CNTN3: variants seen among roughly 807,000 people sequenced by gnomAD.
CNTN3 encodes contactin 3.
In CNTN3, 60 loss-of-function variants were observed where a neutral mutation model predicts 119.1. The observed-to-expected ratio is 0.50, with a 90% CI of 0.41 to 0.62. The LOEUF (loss-of-function observed/expected upper bound fraction) is 0.62. CNTN3 is among the 20% of genes least tolerant of loss of function. CNTN3 has a pLI of 0.00. For missense variants in CNTN3, 1,101 were observed against 1,242.4 expected (o/e 0.89, Z 1.71); for synonymous variants, 450 against 438.7 (o/e 1.03, Z -0.32).
intron 4 of CNTN3, among the ~76,000 whole-genome samples, chr3:74,470,636 T>A (rs1702542645): frequency 6.6e-6 from 1 of 152,266 alleles, no homozygotes; most frequent in South Asian, 2.1e-4. Context: ...GCTGCCTGAT[T>A]AACCACTCTA....
At position 74,296,316 on chromosome 3, in the gene CNTN3, T is replaced by C. The variant is rs9866432; in HGVS notation, c.2402-1080A>G. On this transcript the variant is annotated intron_variant, in intron 18 of 22. Transcript: ENST00000263665. ...GGCTGTGGCTGCCCCTCTTTTCCAGTTGCCAGCACCTAGGTCCTGGATGCA... is the reference window on the plus strand; with the variant it reads ...GGCTGTGGCTGCCCCTCTTTTCCAGCTGCCAGCACCTAGGTCCTGGATGCA... Among the ~76,000 whole-genome samples the C allele has an allele frequency of 4.7e-3, 718 of 152,244 alleles. 6 individuals carry two copies. Among genetic ancestry groups the C allele is most frequent in the African/African-American group, 0.016 (684 of 41,556 alleles).
intron 1 of CNTN3, among the ~76,000 whole-genome samples, chr3:74,611,067 A>G (rs1434116848): frequency 6.6e-6 from 1 of 152,164 alleles, no homozygotes; most frequent in African/African-American, 2.4e-5. Context: ...GAACATAGGA[A>G]ATTTACAAGC....
rs1705144301 is a variant in CNTN3, at chr3:74,614,645, C to A, written c.-335G>T. Among the ~76,000 whole-genome samples the A allele has an allele frequency of 5.4e-5, 8 of 149,522 alleles. No homozygotes were observed. In the South Asian group the frequency reaches 1.7e-3, roughly 31 times the overall value. ...GCCAGGCTGCTGTGGCTGCTGCCGGCGCCTAGCGAGCACTGCCCGTGCCTC... is the reference window on the plus strand; with the variant it reads ...GCCAGGCTGCTGTGGCTGCTGCCGGAGCCTAGCGAGCACTGCCCGTGCCTC... On this transcript the variant is annotated 5_prime_UTR_variant, in exon 1 of 23. Coordinates refer to ENST00000263665, the MANE Select transcript of CNTN3 (RefSeq NM_020872.3).
rs117469155 is a variant in CNTN3 at position 74,389,197 on chromosome 3, A to C, written c.455-17798T>G. On this transcript the variant is annotated intron_variant, in intron 5 of 22. Coordinates refer to ENST00000263665, the MANE Select transcript of CNTN3 (RefSeq NM_020872.3). ...ATACTGGCTTTTATATTAGTATTTA[A>C]AGACAATTAAATCAAATCACCTTTA... 9.4e-4 allele frequency among the ~76,000 whole-genome samples: 143 copies of C among 152,346 alleles called. 3 individuals carry two copies. In the East Asian group the frequency reaches 0.025, roughly 27 times the overall value.
At chr3:74,609,365 A>C (rs1175053294) in intron 1 of CNTN3, among the ~76,000 whole-genome samples, 1 of 152,216 alleles carries the variant, frequency 6.6e-6, no homozygotes, top group Non-Finnish European at 1.5e-5. Context: ...TCCTGCATTT[A>C]GGTGAGAAGT....
rs1701599866 is a variant in CNTN3 at position 74,262,823 on chromosome 3, G to A, written c.*1578C>T. 3 of 152,050 alleles carry A rather than the reference G, an allele frequency of 2.0e-5. No individual in the cohort carries two copies. The South Asian group carries it at 6.2e-4, about 31-fold the overall frequency. The allele number at this position is 152,050 out of a possible 1,614,324, so 9.4% of individuals were successfully genotyped here. A position where few individuals can be genotyped will look rare whatever the true frequency, so the allele number is the denominator to read the frequency against. ...ACATGTAGCATAAAATACAAGTATT[G>A]GAGAAAGTGGAAATAACAATGGTCA... On this transcript the variant is annotated 3_prime_UTR_variant, in exon 23 of 23. Coordinates refer to ENST00000263665, the MANE Select transcript of CNTN3 (RefSeq NM_020872.3).
At chr3:74,570,903 T>A (rs1704322803) in intron 1 of CNTN3, among the ~76,000 whole-genome samples, 1 of 152,184 alleles carries the variant, frequency 6.6e-6, no homozygotes, top group Admixed American at 6.5e-5. Flanking sequence ...ACATGAAATG[T>A]GTTTGGTATT....
intron 5 of CNTN3, among the ~76,000 whole-genome samples, chr3:74,393,658 C>G (rs1704971458): frequency 6.6e-6 from 1 of 152,166 alleles, no homozygotes; most frequent in Non-Finnish European, 1.5e-5. Context: ...AAGGAACACA[C>G]AAGACAGTCA....
intron 16 of CNTN3, among the ~76,000 whole-genome samples, chr3:74,300,860 A>T (rs1180414517): frequency 6.6e-6 from 1 of 152,214 alleles, no homozygotes; most frequent in Non-Finnish European, 1.5e-5. Flanking sequence ...GGATATTTCT[A>T]GAATAATAAA....
chr3:74,479,230 A>G (rs1702715466), intron 4 of CNTN3, among the ~76,000 whole-genome samples: 1 of 152,080 alleles, frequency 6.6e-6, no homozygotes, highest in Non-Finnish European at 1.5e-5. Context: ...TTGAAACTAC[A>G]AGGACCCACA....
intron 4 of CNTN3, among the ~76,000 whole-genome samples, chr3:74,451,589 C>A (rs1165454712): frequency 6.6e-6 from 1 of 152,090 alleles, no homozygotes. Context: ...AGTCCTTGCC[C>A]GTGCCTATGT....
rs545999864 is a variant in CNTN3 at position 74,337,563 on chromosome 3, A to G, written c.1365-905T>C. Among the ~76,000 whole-genome samples, 8 of 152,222 alleles carry G rather than the reference A, an allele frequency of 5.3e-5. No homozygotes were observed. In the East Asian group the frequency reaches 1.5e-3, roughly 29 times the overall value. On this transcript the variant is annotated intron_variant, in intron 11 of 22. Transcript: ENST00000263665. ...TGCATGTCTTACATGGTGGCAGGCA[A>G]AGAGGAAACGAGAACCAAGTGAAAG... is the stretch of plus-strand genomic sequence containing the variant.
At chr3:74,580,366 T>C (rs1704484941) in intron 1 of CNTN3, among the ~76,000 whole-genome samples, 1 of 152,176 alleles carries the variant, frequency 6.6e-6, no homozygotes, top group Non-Finnish European at 1.5e-5. Context: ...GAAGGAACAC[T>C]TCTTAACTCA....
At chr3:74,376,095 T>G (rs563308336) in intron 5 of CNTN3, among the ~76,000 whole-genome samples, 7 of 152,038 alleles carry the variant, frequency 4.6e-5, no homozygotes, top group Non-Finnish European at 7.4e-5. Flanking sequence ...CTCTAGAAAC[T>G]GCAAAAGGGA....
chr3:74,293,966 T>C (rs1323845622), intron 19 of CNTN3, among the ~76,000 whole-genome samples: 1 of 152,210 alleles, frequency 6.6e-6, no homozygotes, highest in Non-Finnish European at 1.5e-5. Context: ...TATAATTTCT[T>C]ATATAAATAT....
At chr3:74,342,827 T>C (rs1703580056) in intron 11 of CNTN3, among the ~76,000 whole-genome samples, 1 of 152,126 alleles carries the variant, frequency 6.6e-6, no homozygotes, top group African/African-American at 2.4e-5. Context: ...TATACAACTA[T>C]CATCTAAGTA....
chr3:74,597,830 A>C (rs948758564), intron 1 of CNTN3, among the ~76,000 whole-genome samples: 1 of 152,092 alleles, frequency 6.6e-6, no homozygotes, highest in Non-Finnish European at 1.5e-5. Flanking sequence ...GTAATGATGA[A>C]GAAAATAGGA....
At chr3:74,563,341 C>T (rs1044837602) in intron 1 of CNTN3, among the ~76,000 whole-genome samples, 11 of 152,152 alleles carry the variant, frequency 7.2e-5, no homozygotes, top group Non-Finnish European at 1.5e-4. Context: ...CTTACATCTA[C>T]AAGTGCCAAA....
chr3:74,410,664 T>C (rs556753667), intron 5 of CNTN3, among the ~76,000 whole-genome samples: 1 of 152,196 alleles, frequency 6.6e-6, no homozygotes, highest in South Asian at 2.1e-4. Context: ...CAATATGTTT[T>C]GGCAGTAGAG....
Sources: gnomAD v4.1 joint callset for allele counts (sites outside exome capture counted in the v4.1 genomes callset) on GRCh38, gnomAD v4.1.1 for gene constraint, MANE v1.5 for transcripts, NCBI Gene and HGNC (gene_info 2026-07-23, HGNC 2026-07-21) for gene names.